Variants in RAD51B observed in about 807,000 individuals in gnomAD.
The protein encoded by RAD51B is DNA repair protein RAD51 homolog 2.
A neutral mutation model predicts 42.2 loss-of-function variants in RAD51B; 38 were observed. The ratio of observed to expected loss-of-function variants is 0.90; its 90% CI spans 0.70 to 1.18. The LOEUF is 1.18. Ranked by LOEUF, RAD51B falls within the 50% of genes most tolerant of loss-of-function variation. The probability of loss-of-function intolerance (pLI) is 0.00; values close to 1 mark genes in which losing one functional copy is unlikely to be tolerated. For missense variants in RAD51B, 373 were observed against 400.7 expected (o/e 0.93, Z 0.59); for synonymous variants, 154 against 145.2 (o/e 1.06, Z -0.43).
chr14:68,342,802 T>C (rs2082598427), intron 8 of RAD51B, among the ~76,000 whole-genome samples: 1 of 152,210 alleles, frequency 6.6e-6, no homozygotes, highest in Admixed American at 6.5e-5. Context: ...ATGTCCACGT[T>C]TGACCTAATT....
intron 7 of RAD51B, among the ~76,000 whole-genome samples, chr14:68,246,508 G>C (rs886739328): frequency 6.6e-6 from 1 of 152,216 alleles, no homozygotes; most frequent in Non-Finnish European, 1.5e-5. Context: ...GGGCTTCCAT[G>C]TGGGAAGAAG....
intron 10 of RAD51B, among the ~76,000 whole-genome samples, chr14:68,489,002 G>A (rs766005002): frequency 3.9e-5 from 6 of 152,100 alleles, no homozygotes; most frequent in South Asian, 4.2e-4. Context: ...TGCCCAAGGC[G>A]GAGTGCAATG....
At chr14:68,425,539 A>T (rs977713723) in intron 9 of RAD51B, among the ~76,000 whole-genome samples, 2 of 152,216 alleles carry the variant, frequency 1.3e-5, no homozygotes, top group East Asian at 3.8e-4. Flanking sequence ...CCACCATGCA[A>T]TGATGCAGCA....
chr14:68,263,866 A>G (rs942470169), intron 7 of RAD51B, among the ~76,000 whole-genome samples: 21 of 152,238 alleles, frequency 1.4e-4, no homozygotes, highest in African/African-American at 4.8e-4. Context: ...ATCACAAACA[A>G]TGTATAGTAG....
chr14:68,549,100 A>T (rs1800787380), intron 10 of RAD51B, among the ~76,000 whole-genome samples: 1 of 152,146 alleles, frequency 6.6e-6, no homozygotes, highest in African/African-American at 2.4e-5. Flanking sequence ...TTTGAGCCCC[A>T]GGAGTAGGTC....
At chr14:68,410,266 A>G (rs2084381636) in intron 8 of RAD51B, among the ~76,000 whole-genome samples, 1 of 152,178 alleles carries the variant, frequency 6.6e-6, no homozygotes, top group Admixed American at 6.5e-5. Context: ...GCTTAAGGCC[A>G]TGTGCAGTTA....
At chr14:68,318,359 A>C (rs964566996) in intron 8 of RAD51B, among the ~76,000 whole-genome samples, 4 of 152,192 alleles carry the variant, frequency 2.6e-5, no homozygotes, top group African/African-American at 9.7e-5. Flanking sequence ...ACTGCACCTG[A>C]GTAGCCTTAG....
At chr14:68,564,019 C>G in intron 10 of RAD51B, 1 of 843,684 alleles carries the variant, frequency 1.2e-6, no homozygotes, top group Non-Finnish European at 1.4e-6. Context: ...AAACCTGTTT[C>G]GGAACAGCTG....
chr14:68,444,195 G>A (rs1166975353), intron 9 of RAD51B, among the ~76,000 whole-genome samples: 1 of 152,226 alleles, frequency 6.6e-6, no homozygotes. Context: ...TCACAGCACA[G>A]TGCCTGGCAC....
downstream of RAD51B, among the ~76,000 whole-genome samples, chr14:68,482,092 G>A (rs1183406048): frequency 6.6e-6 from 1 of 151,656 alleles, no homozygotes; most frequent in Non-Finnish European, 1.5e-5. Flanking sequence ...TTCTAGTGTG[G>A]CATTTTGTAT....
intron 7 of RAD51B, among the ~76,000 whole-genome samples, chr14:67,907,322 T>C (rs1171067104): frequency 6.6e-6 from 1 of 152,080 alleles, no homozygotes; most frequent in Non-Finnish European, 1.5e-5. Context: ...AGGTGTGATG[T>C]TAGGTTGTTA....
At chr14:68,161,258 G>C (rs563242591) in intron 7 of RAD51B, among the ~76,000 whole-genome samples, 13 of 152,226 alleles carry the variant, frequency 8.5e-5, no homozygotes, top group African/African-American at 3.1e-4. Context: ...CATTTTGTCA[G>C]GGCTTTCTCT....
intron 8 of RAD51B, among the ~76,000 whole-genome samples, chr14:68,331,366 T>TAAAAAAAAAAAAAAAAAAAAA (rs1477806707): frequency 7.1e-5 from 1 of 14,130 alleles, no homozygotes; most frequent in Admixed American, 9.6e-4. Flanking sequence ...AGACTCTGTC[T>TAAAAAAAAAAAAAAAAAAAAA]CAAAAAAAAA....
At chr14:68,332,142 A>G (rs1206454360) in intron 8 of RAD51B, among the ~76,000 whole-genome samples, 1 of 152,220 alleles carries the variant, frequency 6.6e-6, no homozygotes, top group South Asian at 2.1e-4. Context: ...TTGCCCTCTG[A>G]ACCCTGTCTT....
chr14:67,975,151 T>G (rs1468862049), intron 7 of RAD51B, among the ~76,000 whole-genome samples: 1 of 152,238 alleles, frequency 6.6e-6, no homozygotes, highest in Non-Finnish European at 1.5e-5. Flanking sequence ...CTTATTCACA[T>G]GTGAATGATG....
intron 7 of RAD51B, among the ~76,000 whole-genome samples, chr14:67,900,626 C>G (rs368385956): frequency 8.7e-6 from 1 of 114,298 alleles, no homozygotes. Context: ...GTGTGTGTGT[C>G]ATACACACAC....
chr14:68,174,250 G>A (rs1223159598), intron 7 of RAD51B, among the ~76,000 whole-genome samples: 1 of 152,088 alleles, frequency 6.6e-6, no homozygotes, highest in Non-Finnish European at 1.5e-5. Flanking sequence ...GCAGGCTGTG[G>A]TGGTTTAAGC....
chr14:68,383,335 A>T, intron 8 of RAD51B, among the ~76,000 whole-genome samples: 1 of 152,206 alleles, frequency 6.6e-6, no homozygotes, highest in East Asian at 1.9e-4. Flanking sequence ...AATGTCACAG[A>T]TGTGGAGGGA....
intron 8 of RAD51B, among the ~76,000 whole-genome samples, chr14:68,361,402 C>A (rs533880614): frequency 6.6e-6 from 1 of 152,144 alleles, no homozygotes; most frequent in Non-Finnish European, 1.5e-5. Flanking sequence ...AGTGAATGAG[C>A]GGCCTTGAAA....
Sources: gnomAD v4.1 joint callset for allele counts (sites outside exome capture counted in the v4.1 genomes callset) on GRCh38, gnomAD v4.1.1 for gene constraint, MANE v1.5 for transcripts, NCBI Gene and HGNC (gene_info 2026-07-23, HGNC 2026-07-21) for gene names.